THBS4: variants seen among roughly 807,000 people sequenced by gnomAD.
THBS4 encodes thrombospondin-4.
THBS4 carries 90 observed loss-of-function variants against 115.7 expected under a neutral mutation model. The ratio of observed to expected loss-of-function variants is 0.78; its 90% confidence interval spans 0.66 to 0.93. The LOEUF is 0.93. Among genes scored for constraint, THBS4 ranks in the 40% least tolerant of loss-of-function variants. THBS4 has a pLI of 0.00. For synonymous variants in THBS4, 460 were observed against 479.3 expected, an observed-to-expected ratio of 0.96 and a Z score of 0.53; for missense variants, 1,087 against 1,232.7, an observed-to-expected ratio of 0.88 and a Z score of 1.77.
At chr5:80,078,771 C>T in intron 17 of THBS4, 150 bp from the exon 18 acceptor site, 1 of 645,362 alleles carries the variant, frequency 1.5e-6, no homozygotes, top group Non-Finnish European at 2.5e-6. Flanking sequence ...GCACATAACA[C>T]AATAGAGCAA....
At position 80,065,421 on chromosome 5, in the gene THBS4, A is replaced by G. The variant is rs1580969575; in HGVS notation, c.1138A>G (p.Ile380Val). The G allele has an allele frequency of 1.2e-6, 2 of 1,613,562 alleles. No homozygotes were observed. The highest frequency in any genetic ancestry group is 1.7e-6 in the Non-Finnish European group (2 of 1,179,838). Reference protein sequence around the residue: ...AKSNKQVCTDIDECRNGACVP... With the variant: ...AKSNKQVCTDVDECRNGACVP... ...TTTTCTGCACTAGGTCTGCACTGAC[A>G]TTGATGAGTGTCGAAATGGAGCGTG... The change falls in exon 9 of 22, where the codon ATT (isoleucine) becomes GTT (valine). Residue 380 changes from isoleucine (I) to valine (V), a missense_variant. Transcript: ENST00000350881.
chr5:80,027,536 C>T (rs1046971586), intron 2 of THBS4, among the ~76,000 whole-genome samples: 6 of 152,166 alleles, frequency 3.9e-5, no homozygotes, highest in African/African-American at 1.4e-4. Context: ...AGACTTCATT[C>T]TTGCAAAGCT....
rs1188866692 is a variant in THBS4 at position 80,035,653 on chromosome 5, G to T, written c.88+28G>T. The T allele has an allele frequency of 7.6e-7, 1 of 1,308,098 alleles. No homozygotes were observed. 81.0% of individuals were successfully genotyped at this position (1,308,098 alleles called of 1,614,324 possible). On this transcript the variant is annotated intron_variant, in intron 1 of 21. Transcript: ENST00000350881. This position sits in a 1 kb window ranked among gnomAD's most constrained non-coding sequence, Gnocchi z 4.6. Reference sequence around the variant, plus strand: ...AAGTGGGTTCGGGTCGGGCCTGGGAGCGCCGGGCACCGGGTGCCCCATCTG... The same window carrying T: ...AAGTGGGTTCGGGTCGGGCCTGGGATCGCCGGGCACCGGGTGCCCCATCTG...
chr5:80,082,968 G>T, intron 21 of THBS4, 112 bp from the exon 22 acceptor site: 2 of 630,234 alleles, frequency 3.2e-6, no homozygotes, highest in South Asian at 2.5e-5. Context: ...CCTGCGGGGC[G>T]TCCTGGGCGG....
At chr5:80,051,232 G>A (rs538095543) in intron 2 of THBS4, among the ~76,000 whole-genome samples, 16 of 152,238 alleles carry the variant, frequency 1.1e-4, no homozygotes, top group Admixed American at 7.2e-4. Context: ...AGGCTCCTGG[G>A]GCCAGAGCTT....
intron 2 of THBS4, among the ~76,000 whole-genome samples, chr5:80,043,743 C>G (rs1832976405): frequency 6.6e-6 from 1 of 152,214 alleles, no homozygotes; most frequent in Non-Finnish European, 1.5e-5. Flanking sequence ...CTTCTACTCT[C>G]ACCCTCTCCA....
chr5:80,078,418 A>G (rs1217244777), intron 17 of THBS4, among the ~76,000 whole-genome samples, 191 bp downstream of exon 17: 2 of 152,236 alleles, frequency 1.3e-5, no homozygotes, highest in African/African-American at 4.8e-5. Flanking sequence ...TGTCTGCTAC[A>G]GCTTTCATGA....
At chr5:80,024,955 A>C (rs1342514043) in intron 2 of THBS4, among the ~76,000 whole-genome samples, 2 of 152,114 alleles carry the variant, frequency 1.3e-5, no homozygotes, top group South Asian at 4.1e-4. Context: ...TTTCCTTGGG[A>C]AGGTTGTTCA....
In THBS4 at chr5:80,025,232, T is replaced by A. The variant is rs117799982; in HGVS notation, n.178-14845T>A. 9.8e-5 allele frequency among the ~76,000 whole-genome samples: 15 copies of A among 152,344 alleles called. No homozygotes were observed. In the East Asian group the frequency reaches 2.9e-3, roughly 29 times the overall value. On this transcript the variant is annotated intron_variant and non_coding_transcript_variant, in intron 2 of 3. Coordinates refer to the THBS4 transcript ENST00000510218. ...AAGAAAAAGATGACGTGTGGATATA[T>A]GTTTACTTATAATAAACATGCATAT...
intron 2 of THBS4, among the ~76,000 whole-genome samples, chr5:80,041,716 C>T (rs1832908894): frequency 2.0e-5 from 3 of 152,210 alleles, no homozygotes; most frequent in Admixed American, 6.5e-5. Flanking sequence ...TTCTCCTCCA[C>T]TCCTTCCCCG....
At chr5:80,061,168 C>CA (rs1354467609) in intron 7 of THBS4, among the ~76,000 whole-genome samples, 1 of 151,980 alleles carries the variant, frequency 6.6e-6, no homozygotes, top group Non-Finnish European at 1.5e-5. Context: ...TTAAAAAAAA[C>CA]AAAAAACAAT....
intron 8 of THBS4, among the ~76,000 whole-genome samples, chr5:80,064,384 G>T (rs1490022114): frequency 1.3e-5 from 2 of 152,228 alleles, no homozygotes; most frequent in African/African-American, 4.8e-5. Context: ...ATGCCCACAG[G>T]CAAAATTTGG....
At chr5:80,066,628 T>TA (rs1334991874) in intron 9 of THBS4, 1 of 152,176 alleles carries the variant, frequency 6.6e-6, no homozygotes, top group African/African-American at 2.4e-5. Context: ...AAAGAAATGT[T>TA]ACGTATTTAG....
chr5:80,029,894 C>T (rs1271225370), intron 2 of THBS4, among the ~76,000 whole-genome samples: 3 of 151,968 alleles, frequency 2.0e-5, no homozygotes, highest in East Asian at 1.9e-4. Context: ...GGCGTGAACC[C>T]GGGAGGCGGA....
chr5:79,992,858 G>A lies in THBS4; in HGVS notation n.81+1446G>A, dbSNP rs773916978. On this transcript the variant is annotated intron_variant and non_coding_transcript_variant, in intron 1 of 3. Transcript: ENST00000510218. The stretch of plus-strand genomic sequence containing the variant: ...GTGGAGACTATCTGTTGAGTCTTCA[G>A]TATAAAGAAAGTAAAGTAATTCAAC... Among the ~76,000 whole-genome samples the A allele has an allele frequency of 3.7e-4, 56 of 152,176 alleles. 1 individual carries two copies. Among genetic ancestry groups the A allele is most frequent in the Non-Finnish European group, 3.8e-4 (26 of 68,034 alleles).
chr5:80,075,533 T>G (rs1458873583), intron 15 of THBS4, among the ~76,000 whole-genome samples: 2 of 152,168 alleles, frequency 1.3e-5, no homozygotes, highest in African/African-American at 2.4e-5. Context: ...TCCTGACAAC[T>G]GCCCTAAATG....
intron 2 of THBS4, among the ~76,000 whole-genome samples, chr5:80,019,338 A>G (rs1361401056): frequency 6.6e-6 from 1 of 152,228 alleles, no homozygotes; most frequent in Non-Finnish European, 1.5e-5. Context: ...TACAGAGATG[A>G]ACAGCCCAAT....
At chr5:80,053,206 TC>T (rs1260528663) in intron 2 of THBS4, 2 of 151,962 alleles carry the variant, frequency 1.3e-5, no homozygotes, top group African/African-American at 4.8e-5. Context: ...ACCTATAACC[TC>T]CTTTTTTTTT....
chr5:79,996,487 C>T (rs1222957995), intron 1 of THBS4, among the ~76,000 whole-genome samples: 1 of 152,104 alleles, frequency 6.6e-6, no homozygotes, highest in Admixed American at 6.5e-5. Context: ...GGAGTTGCCC[C>T]AGGAATTGAA....
Sources: allele counts gnomAD v4.1 joint callset (sites outside exome capture counted in the v4.1 genomes callset), GRCh38; gene constraint gnomAD v4.1.1; non-coding constraint Gnocchi (gnomAD v3.1); transcripts MANE v1.5; gene names NCBI Gene and HGNC (gene_info 2026-07-23, HGNC 2026-07-21).